WT1: variants seen among roughly 807,000 people sequenced by gnomAD.
WT1 encodes the protein WT1 transcription factor.
WT1 carries 8 observed loss-of-function variants against 60.8 expected under a neutral mutation model. That is an observed-to-expected ratio of 0.13 (90% CI 0.08 to 0.24). The LOEUF (loss-of-function observed/expected upper bound fraction) is 0.24, where lower values mean the gene tolerates loss of function less well. WT1 is among the 10% of genes least tolerant of loss of function. The probability of loss-of-function intolerance (pLI) is 1.00; values close to 1 mark genes in which losing one functional copy is unlikely to be tolerated. For missense variants in WT1, 568 were observed against 711.8 expected (o/e 0.80, Z 2.30); for synonymous variants, 312 against 297.1 (o/e 1.05, Z -0.52).
intron 5 of WT1, among the ~76,000 whole-genome samples, chr11:32,410,120 AG>A (rs1264995515): frequency 1.3e-5 from 2 of 151,946 alleles, no homozygotes; most frequent in Non-Finnish European, 2.9e-5. Context: ...TGTAGAGAAC[AG>A]GGTTTCGCCA....
chr11:32,431,503 C>T (rs1273510566), intron 1 of WT1, among the ~76,000 whole-genome samples: 2 of 149,592 alleles, frequency 1.3e-5, no homozygotes, highest in Non-Finnish European at 3.0e-5. Context: ...GTGGCGCGAT[C>T]TCAGCTCACT....
chr11:32,430,461 A>AGAGAGAGAGAGAGAGG, intron 1 of WT1: 1 of 670,908 alleles, frequency 1.5e-6, no homozygotes, highest in East Asian at 3.9e-5. Flanking sequence ...GGAGGGAGAG[A>AGAGAGAGAGAGAGAGG]GAGAGAGAGA....
rs1354094843 is a variant in WT1, at chr11:32,434,830, G to A, written c.531C>T (p.Ala177=). 1.9e-6 allele frequency: 3 copies of A among 1,612,332 alleles called. No homozygotes were observed. The highest frequency in any genetic ancestry group is 2.2e-5 in the East Asian group (1 of 44,876). ...CGAAGGGCCCGTAGCGACAGGCTCCGGCTGTGCCAGTGAACTGGCCGGAAA... is the reference window on the plus strand; with the variant it reads ...CGAAGGGCCCGTAGCGACAGGCTCCAGCTGTGCCAGTGAACTGGCCGGAAA... The change falls in exon 1 of 10, where the codon GCC becomes GCT. Residue 177 remains alanine, a synonymous_variant. Coordinates refer to ENST00000452863, the MANE Select transcript of WT1 (RefSeq NM_024426.6).
intron 7 of WT1, among the ~76,000 whole-genome samples, chr11:32,393,954 G>A (rs761707375): frequency 5.3e-5 from 8 of 152,176 alleles, no homozygotes; most frequent in Non-Finnish European, 1.2e-4. Flanking sequence ...GCGCAGTGGT[G>A]TGAGCCTAGC....
chr11:32,430,447 A>AGAGG lies in WT1; in HGVS notation c.662-1832_662-1829dup, dbSNP rs1554945636. ...GAGACAGACACAGAGAGAGAGAGAG[A>AGAGG]GAGGGAGGGAGAGAGAGAGAGAGAG... is the stretch of plus-strand genomic sequence containing the variant. On this transcript the variant is annotated intron_variant, in intron 1 of 9. Coordinates refer to ENST00000452863, the MANE Select transcript of WT1 (RefSeq NM_024426.6). 231 of 1,127,390 alleles carry AGAGG rather than the reference A, an allele frequency of 2.0e-4. 2 individuals carry two copies. The African/African-American group carries it at 3.4e-3, about 17-fold the overall frequency. The allele number at this position is 1,127,390 out of a possible 1,614,324, so 69.8% of individuals were successfully genotyped here.
At chr11:32,429,986 A>AAG (rs1853219408) in intron 1 of WT1, among the ~76,000 whole-genome samples, 1 of 148,608 alleles carries the variant, frequency 6.7e-6, no homozygotes, top group Non-Finnish European at 1.5e-5. Context: ...CAGAAAAAAA[A>AAG]AAAAAGAAAA....
intron 3 of WT1, among the ~76,000 whole-genome samples, chr11:32,421,168 G>T (rs1164525860): frequency 6.6e-6 from 1 of 152,226 alleles, no homozygotes; most frequent in Non-Finnish European, 1.5e-5. Context: ...GCCGAAGCAT[G>T]CTCAGGCTCT....
At chr11:32,405,068 C>A (rs1590353748) in intron 5 of WT1, among the ~76,000 whole-genome samples, 1 of 152,122 alleles carries the variant, frequency 6.6e-6, no homozygotes, top group Admixed American at 6.5e-5. Flanking sequence ...TGGATTGACT[C>A]TTTTTAATTT....
chr11:32,425,167 A>G (rs1490340502), intron 3 of WT1, among the ~76,000 whole-genome samples: 1 of 139,348 alleles, frequency 7.2e-6, no homozygotes, highest in African/African-American at 2.8e-5. Context: ...ACAGAGTGAG[A>G]CTGTCTCGAA....
At position 32,388,186 on chromosome 11, in the gene WT1, A is replaced by C. The variant is rs576023116; in HGVS notation, c.*872T>G. 1 of 233,592 alleles carries C rather than the reference A, an allele frequency of 4.3e-6. No homozygotes were observed. The highest frequency in any genetic ancestry group is 2.2e-5 in the African/African-American group (1 of 45,316). 14.5% of individuals were successfully genotyped at this position (233,592 alleles called of 1,614,324 possible). ...CCTATTTTCTTTTAAAGTCACTTTC[A>C]TTTTTACAACTTGAAGCCATATACC... On this transcript the variant is annotated 3_prime_UTR_variant, in exon 10 of 10. Coordinates refer to ENST00000452863, the MANE Select transcript of WT1 (RefSeq NM_024426.6).
At position 32,391,961 on chromosome 11, in the gene WT1, A is replaced by G; in HGVS notation, c.1447+11T>C. On this transcript the variant is annotated intron_variant, in intron 9 of 9. Transcript: ENST00000452863. ...ATAATGAAAAATAAATGTGAAGAAA[A>G]GTTTACGCACTTGTTTTACCTGTAT... The G allele has an allele frequency of 6.2e-7, 1 of 1,612,412 alleles. No individual in the cohort carries two copies. Among genetic ancestry groups the G allele is most frequent in the Non-Finnish European group, 8.5e-7 (1 of 1,178,452 alleles).
chr11:32,388,895 C>A lies in WT1; in HGVS notation c.*163G>T, dbSNP rs953997384. ...CAGGGCAGAGACCAACTCTTCCAGG[C>A]ACACCTGGTAGTTTCCAGAAGCACC... On this transcript the variant is annotated 3_prime_UTR_variant, in exon 10 of 10. Coordinates refer to ENST00000452863, the MANE Select transcript of WT1 (RefSeq NM_024426.6). 2 of 1,301,068 alleles carry A rather than the reference C, an allele frequency of 1.5e-6. No individual in the cohort carries two copies. The highest frequency in any genetic ancestry group is 1.5e-5 in the African/African-American group (1 of 68,218). The allele number at this position is 1,301,068 out of a possible 1,614,324, so 80.6% of individuals were successfully genotyped here.
chr11:32,390,357 C>T (rs953580018), intron 9 of WT1, among the ~76,000 whole-genome samples: 1 of 152,178 alleles, frequency 6.6e-6, no homozygotes, highest in Non-Finnish European at 1.5e-5. Flanking sequence ...GCTGGCAAAA[C>T]AGGTCATGTC....
chr11:32,401,466 C>T (rs574836855), intron 5 of WT1, among the ~76,000 whole-genome samples: 3 of 151,220 alleles, frequency 2.0e-5, no homozygotes, highest in South Asian at 4.2e-4. Context: ...GTGAATCATA[C>T]GGTCCGTGCA....
intron 3 of WT1, among the ~76,000 whole-genome samples, chr11:32,420,859 A>G (rs1044018674): frequency 9.9e-5 from 15 of 152,172 alleles, no homozygotes; most frequent in Non-Finnish European, 1.5e-5. Context: ...CCCCTTTGCC[A>G]TTCTAGCTGT....
chr11:32,434,616 G>C, intron 1 of WT1, 84 bp downstream of exon 1: 1 of 1,599,864 alleles, frequency 6.3e-7, no homozygotes, highest in South Asian at 1.1e-5. Context: ...GCGGTCAAAA[G>C]GGGTAGGAGA....
At chr11:32,425,366 C>T (rs897548719) in intron 3 of WT1, among the ~76,000 whole-genome samples, 3 of 152,102 alleles carry the variant, frequency 2.0e-5, no homozygotes, top group South Asian at 2.1e-4. Context: ...AGAAGCACCA[C>T]TGAATACCTA....
At chr11:32,410,133 G>A (rs111460871) in intron 5 of WT1, among the ~76,000 whole-genome samples, 2,201 of 151,954 alleles carry the variant, frequency 0.014, 54 homozygotes, top group African/African-American at 0.051. Context: ...GTTTCGCCAC[G>A]TTGGCCAGGC....
chr11:32,396,888 C>T lies in WT1; in HGVS notation c.1114-481G>A, dbSNP rs142920538. 1.6e-3 allele frequency among the ~76,000 whole-genome samples: 246 copies of T among 152,238 alleles called. 1 individual carries two copies. The highest frequency in any genetic ancestry group is 5.8e-3 in the African/African-American group (241 of 41,538). On this transcript the variant is annotated intron_variant, in intron 6 of 9. Transcript: ENST00000452863. ...AAAAAAGTGGGATAATGAATGAGCC[C>T]CTAACTGACCAGATCGTCCAAGTAT...
Sources: allele counts gnomAD v4.1 joint callset (sites outside exome capture counted in the v4.1 genomes callset), GRCh38; gene constraint gnomAD v4.1.1; transcripts MANE v1.5; gene names NCBI Gene and HGNC (gene_info 2026-07-23, HGNC 2026-07-21).